Variants in DROSHA observed in about 807,000 individuals in gnomAD.
DROSHA encodes drosha ribonuclease III, also known as ribonuclease 3.
DROSHA carries 56 observed loss-of-function variants against 181.9 expected under a neutral mutation model. That is an observed-to-expected ratio of 0.31 (90% CI 0.25 to 0.38). DROSHA has a LOEUF of 0.38. Among genes scored for constraint, DROSHA ranks in the 10% least tolerant of loss-of-function variants. The pLI is 1.00. For missense variants in DROSHA, 1,218 were observed against 1,743.5 expected, an observed-to-expected ratio of 0.70 and a Z score of 5.37; for synonymous variants, 524 against 591.2, an observed-to-expected ratio of 0.89 and a Z score of 1.65.
At chr5:31,431,873 T>C (rs535876156) in intron 25 of DROSHA, among the ~76,000 whole-genome samples, 195 bp from the exon 26 acceptor site, 1 of 152,322 alleles carries the variant, frequency 6.6e-6, no homozygotes, top group African/African-American at 2.4e-5. Context: ...CAGTTTTCAC[T>C]AACTCAATTC....
chr5:31,403,758 G>A (rs753481699), intron 35 of DROSHA, among the ~76,000 whole-genome samples: 5 of 152,174 alleles, frequency 3.3e-5, no homozygotes, highest in African/African-American at 9.7e-5. Flanking sequence ...GGAGAATTGC[G>A]ACAGAGATTA....
At position 31,470,996 on chromosome 5, in the gene DROSHA, A is replaced by C. The variant is rs1749660547; in HGVS notation, c.2241+1067T>G. Among the ~76,000 whole-genome samples the C allele has an allele frequency of 6.6e-6, 1 of 152,266 alleles. No individual in the cohort carries two copies. Among genetic ancestry groups the C allele is most frequent in the Non-Finnish European group, 1.5e-5 (1 of 68,048 alleles). ...TTACTTACATATTTCTTTTAAAGTTACTTTAATAATTATGTGGCTTAACAG... is the reference window on the plus strand; with the variant it reads ...TTACTTACATATTTCTTTTAAAGTTCCTTTAATAATTATGTGGCTTAACAG... On this transcript the variant is annotated intron_variant, in intron 17 of 35. Coordinates refer to ENST00000344624, the MANE Select transcript of DROSHA (RefSeq NM_001382508.1). The surrounding 1 kb of genome is among the most constrained non-coding windows in gnomAD (Gnocchi z 4.0).
intron 23 of DROSHA, among the ~76,000 whole-genome samples, chr5:31,447,575 T>C (rs1580127256): frequency 6.6e-6 from 1 of 152,148 alleles, no homozygotes; most frequent in Admixed American, 6.5e-5. Context: ...GAAAAGACAA[T>C]TCACAGAATG....
intron 5 of DROSHA, among the ~76,000 whole-genome samples, chr5:31,524,272 C>T (rs1425528594): frequency 2.6e-5 from 4 of 152,154 alleles, no homozygotes; most frequent in African/African-American, 9.7e-5. Flanking sequence ...ATTTAATTTA[C>T]TGGCAAAATG....
chr5:31,401,866 C>T (rs1211364820), intron 35 of DROSHA, among the ~76,000 whole-genome samples: 1 of 152,080 alleles, frequency 6.6e-6, no homozygotes, highest in Non-Finnish European at 1.5e-5. Context: ...GGGAATGTTA[C>T]CAAGCAGGTG....
Position 31,500,751 on chromosome 5 carries a change from C to T in DROSHA, c.1668+3804G>A, listed in dbSNP as rs1753495979. On this transcript the variant is annotated intron_variant, in intron 11 of 35. Transcript: ENST00000344624. ...CCAGCAGTAATAGGGATGACAGAAT[C>T]CTGAAACAAGAGATGCCAGGTGATA... 4.6e-5 allele frequency among the ~76,000 whole-genome samples: 7 copies of T among 152,254 alleles called. 1 individual carries two copies. The South Asian group carries it at 1.5e-3, about 32-fold the overall frequency.
At chr5:31,487,962 A>G (rs1382869099) in intron 13 of DROSHA, among the ~76,000 whole-genome samples, 1 of 152,226 alleles carries the variant, frequency 6.6e-6, no homozygotes, top group Non-Finnish European at 1.5e-5. Context: ...TACGGGTCCT[A>G]TCTTAAGAGG....
At chr5:31,484,308 A>T (rs937553427) in intron 15 of DROSHA, among the ~76,000 whole-genome samples, 1 of 138,218 alleles carries the variant, frequency 7.2e-6, no homozygotes, top group Non-Finnish European at 1.5e-5. Flanking sequence ...CGGGAAGCGG[A>T]GCTTGCAGTG....
intron 24 of DROSHA, among the ~76,000 whole-genome samples, chr5:31,436,684 C>T (rs1222657977): frequency 1.3e-5 from 2 of 151,702 alleles, no homozygotes; most frequent in Admixed American, 6.6e-5. Flanking sequence ...TGAGCCACCG[C>T]GCCTAGCGTC....
At chr5:31,511,282 A>G (rs1738636818) in intron 8 of DROSHA, 106 bp from the exon 9 acceptor site, 2 of 1,087,240 alleles carry the variant, frequency 1.8e-6, no homozygotes, top group East Asian at 5.2e-5. Flanking sequence ...GCAAGATGCT[A>G]TTTTTCAACC....
chr5:31,429,037 TTA>T, intron 27 of DROSHA, among the ~76,000 whole-genome samples: 1 of 152,276 alleles, frequency 6.6e-6, no homozygotes, highest in East Asian at 1.9e-4. Flanking sequence ...GAACTGACAT[TTA>T]AAAATAAATA....
At chr5:31,426,313 T>C (rs1580050122) in intron 27 of DROSHA, among the ~76,000 whole-genome samples, 1 of 152,214 alleles carries the variant, frequency 6.6e-6, no homozygotes, top group East Asian at 1.9e-4. Flanking sequence ...TTAGGCAAGG[T>C]CTCTACCTTT....
At chr5:31,439,813 C>T (rs979945331) in intron 23 of DROSHA, among the ~76,000 whole-genome samples, 1 of 151,976 alleles carries the variant, frequency 6.6e-6, no homozygotes. Flanking sequence ...TGGGGATGTA[C>T]AAGGGGAGAA....
At chr5:31,518,662 A>G (rs989545496) in intron 6 of DROSHA, among the ~76,000 whole-genome samples, 1 of 152,150 alleles carries the variant, frequency 6.6e-6, no homozygotes, top group African/African-American at 2.4e-5. Context: ...GACATTTCAC[A>G]TTTAATCCTG....
chr5:31,431,230 G>C (rs1744136063), intron 26 of DROSHA, among the ~76,000 whole-genome samples: 1 of 152,058 alleles, frequency 6.6e-6, no homozygotes, highest in Non-Finnish European at 1.5e-5. Context: ...AACCTAATCT[G>C]TTTGTTTATG....
At chr5:31,468,652 T>C (rs999765030) in intron 17 of DROSHA, among the ~76,000 whole-genome samples, 18 of 152,218 alleles carry the variant, frequency 1.2e-4, no homozygotes, top group African/African-American at 4.3e-4. Flanking sequence ...AAGAAGTGAA[T>C]GGCTCATTCC....
intron 5 of DROSHA, among the ~76,000 whole-genome samples, chr5:31,522,075 T>C (rs1739955181): frequency 6.6e-6 from 1 of 152,156 alleles, no homozygotes; most frequent in South Asian, 2.1e-4. Context: ...GAAATGTCAA[T>C]ACATTGAAAA....
intron 16 of DROSHA, among the ~76,000 whole-genome samples, chr5:31,480,679 T>G (rs1236479394): frequency 6.6e-6 from 1 of 152,164 alleles, no homozygotes; most frequent in Non-Finnish European, 1.5e-5. Flanking sequence ...ACCAAAAACA[T>G]GAATACTTAG....
At chr5:31,416,888 T>C (rs1394252253) in intron 30 of DROSHA, among the ~76,000 whole-genome samples, 1 of 152,198 alleles carries the variant, frequency 6.6e-6, no homozygotes, top group Non-Finnish European at 1.5e-5. Context: ...AGTCAAAGCA[T>C]ACTTGCTGAG....
Sources: allele counts gnomAD v4.1 joint callset (sites outside exome capture counted in the v4.1 genomes callset), GRCh38; gene constraint gnomAD v4.1.1; non-coding constraint Gnocchi (gnomAD v3.1); transcripts MANE v1.5; gene names NCBI Gene and HGNC (gene_info 2026-07-23, HGNC 2026-07-21).